SLC2A14: variants seen among roughly 807,000 people sequenced by gnomAD.
SLC2A14 encodes the protein solute carrier family 2 member 14.
A neutral mutation model predicts 43.0 loss-of-function variants in SLC2A14; 13 were observed. The ratio of observed to expected loss-of-function variants is 0.30; its 90% confidence interval spans 0.20 to 0.48. SLC2A14 has a LOEUF of 0.48. Among genes scored for constraint, SLC2A14 ranks in the 20% least tolerant of loss-of-function variants. SLC2A14 has a pLI of 0.99. For missense variants in SLC2A14, 428 were observed against 620.4 expected, an observed-to-expected ratio of 0.69 and a Z score of 3.29; for synonymous variants, 190 against 233.8, an observed-to-expected ratio of 0.81 and a Z score of 1.71.
chr12:7,886,339 A>AAAAT (rs1945689022), intron 1 of SLC2A14, among the ~76,000 whole-genome samples: 1 of 128,882 alleles, frequency 7.8e-6, no homozygotes, highest in South Asian at 2.6e-4. Context: ...TTAAATTTTT[A>AAAAT]AAATTTATTT....
rs1006510425 is a variant in SLC2A14, at chr12:7,871,081, G to A, written c.-57-1144C>T. 11 of 1,383,214 alleles carry A rather than the reference G, an allele frequency of 8.0e-6. No homozygotes were observed. In the South Asian group the frequency reaches 1.1e-4, roughly 14 times the overall value. The allele number at this position is 1,383,214 out of a possible 1,614,324, so 85.7% of individuals were successfully genotyped here. ...TGAATACCTGCAGGGCATGATGAGC[G>A]AGGCCCCAGGGCCCATCAACTTCAC... On this transcript the variant is annotated intron_variant, in intron 1 of 10. Coordinates refer to ENST00000431042, the MANE Select transcript of SLC2A14 (RefSeq NM_001286234.2).
chr12:7,821,034 C>T (rs1863867736), intron 8 of SLC2A14, among the ~76,000 whole-genome samples, 187 bp downstream of exon 8: 1 of 152,056 alleles, frequency 6.6e-6, no homozygotes, highest in Non-Finnish European at 1.5e-5. Flanking sequence ...TTGCAGTGAG[C>T]CGAGATTGCA....
At chr12:7,867,482 G>A (rs891155088) in intron 2 of SLC2A14, among the ~76,000 whole-genome samples, 11 of 152,024 alleles carry the variant, frequency 7.2e-5, no homozygotes, top group African/African-American at 2.4e-4. Flanking sequence ...ACCCGAAGAT[G>A]AGACTGAATT....
rs965265650 is a variant in SLC2A14, at chr12:7,828,885, T to A, written c.514-19A>T. On this transcript the variant is annotated intron_variant, in intron 5 of 10. Transcript: ENST00000431042. The stretch of plus-strand genomic sequence containing the variant: ...CAAAGATCTAGAAACCACACAAAGA[T>A]AATGCTATAAACCCCATACTTCACA... The A allele has an allele frequency of 6.2e-7, 1 of 1,611,682 alleles. No individual in the cohort carries two copies. Among genetic ancestry groups the A allele is most frequent in the African/African-American group, 1.3e-5 (1 of 74,774 alleles).
At chr12:7,830,819 T>C (rs1013479615) in intron 4 of SLC2A14, among the ~76,000 whole-genome samples, 2 of 152,104 alleles carry the variant, frequency 1.3e-5, no homozygotes, top group African/African-American at 4.8e-5. Context: ...TAAGCTAGTA[T>C]AAAATAAGAA....
intron 1 of SLC2A14, among the ~76,000 whole-genome samples, chr12:7,889,346 G>A (rs2121130385): frequency 6.7e-6 from 1 of 149,804 alleles, no homozygotes; most frequent in Middle Eastern, 3.5e-3. Context: ...CAATTCTCCT[G>A]ACTCAGCCTC....
At chr12:7,871,330 G>C in intron 1 of SLC2A14, 2 of 951,862 alleles carry the variant, frequency 2.1e-6, no homozygotes, top group Non-Finnish European at 2.7e-6. Flanking sequence ...ACTAGGTGGA[G>C]TTCACCTGCA....
Position 7,821,216 on chromosome 12 carries a change from C to T in SLC2A14, c.969+5G>A. 1.9e-6 allele frequency: 3 copies of T among 1,611,054 alleles called. No individual in the cohort carries two copies. Among genetic ancestry groups the T allele is most frequent in the South Asian group, 1.1e-5 (1 of 90,826 alleles). ...CCCCCAAAATTATCAAACCATCCAA[C>T]TTACAGAAAGTAAAGTGAAGATAGT... On this transcript the variant is annotated splice_donor_5th_base_variant and intron_variant, in intron 8 of 10. Coordinates refer to ENST00000431042, the MANE Select transcript of SLC2A14 (RefSeq NM_001286234.2).
At chr12:7,816,504 TG>T (rs1863470841) in intron 10 of SLC2A14, among the ~76,000 whole-genome samples, 1 of 151,742 alleles carries the variant, frequency 6.6e-6, no homozygotes, top group Admixed American at 6.6e-5. Flanking sequence ...CCCAAAGTGC[TG>T]GGATTACAGG....
intron 2 of SLC2A14, among the ~76,000 whole-genome samples, chr12:7,838,466 T>C (rs1177619400): frequency 1.7e-4 from 26 of 151,960 alleles, no homozygotes; most frequent in Admixed American, 1.7e-3. Context: ...TTCTTTCTTA[T>C]TTCCCCCATT....
intron 2 of SLC2A14, among the ~76,000 whole-genome samples, chr12:7,840,241 G>A (rs1489260082): frequency 2.7e-5 from 4 of 149,088 alleles, no homozygotes; most frequent in African/African-American, 7.4e-5. Context: ...TAATGAGGAC[G>A]GAGCAACAGT....
At chr12:7,842,483 C>G (rs1161671974) in intron 2 of SLC2A14, among the ~76,000 whole-genome samples, 1 of 152,200 alleles carries the variant, frequency 6.6e-6, no homozygotes, top group Non-Finnish European at 1.5e-5. Flanking sequence ...AAGACTTCTT[C>G]TATACAAGTG....
intron 1 of SLC2A14, among the ~76,000 whole-genome samples, chr12:7,880,028 C>G (rs75590107): frequency 6.6e-6 from 1 of 151,042 alleles, no homozygotes; most frequent in Non-Finnish European, 1.5e-5. Flanking sequence ...ACAGGCCGGG[C>G]ATCATGGCTC....
At chr12:7,863,081 C>A (rs1471725137) in intron 2 of SLC2A14, among the ~76,000 whole-genome samples, 5 of 152,258 alleles carry the variant, frequency 3.3e-5, no homozygotes, top group South Asian at 2.1e-4. Flanking sequence ...TGCAATAAAT[C>A]TTGCTACTGC....
At chr12:7,839,944 A>G in intron 2 of SLC2A14, 1 of 361,056 alleles carries the variant, frequency 2.8e-6, no homozygotes, top group Non-Finnish European at 5.1e-6. Context: ...AAAAAAAAAA[A>G]AAAAAAAAAT....
At chr12:7,843,552 G>C (rs947177964) in intron 2 of SLC2A14, among the ~76,000 whole-genome samples, 3 of 138,356 alleles carry the variant, frequency 2.2e-5, no homozygotes, top group African/African-American at 8.5e-5. Flanking sequence ...CCTCCCCAAA[G>C]AGTACGTTGT....
At chr12:7,821,443 G>A (rs1863900810) in intron 7 of SLC2A14, 118 bp from the exon 8 acceptor site, 1 of 816,100 alleles carries the variant, frequency 1.2e-6, no homozygotes, top group South Asian at 1.6e-5. Context: ...AGCACTTTGG[G>A]AGGCCAAGGC....
chr12:7,859,729 T>C (rs1944442181), intron 2 of SLC2A14, among the ~76,000 whole-genome samples: 1 of 152,118 alleles, frequency 6.6e-6, no homozygotes, highest in Non-Finnish European at 1.5e-5. Flanking sequence ...AATATCCTGA[T>C]GGCATGCACT....
chr12:7,858,642 G>T (rs1329648715), intron 2 of SLC2A14, among the ~76,000 whole-genome samples: 1 of 152,046 alleles, frequency 6.6e-6, no homozygotes, highest in African/African-American at 2.4e-5. Flanking sequence ...TGGGATTCCA[G>T]GCATGTGCCA....
Sources: allele counts gnomAD v4.1 joint callset (sites outside exome capture counted in the v4.1 genomes callset), GRCh38; gene constraint gnomAD v4.1.1; transcripts MANE v1.5; gene names NCBI Gene and HGNC (gene_info 2026-07-23, HGNC 2026-07-21).